TRPM6: variants seen among roughly 807,000 people sequenced by gnomAD.
TRPM6 encodes the protein transient receptor potential cation channel subfamily M member 6.
In TRPM6, 111 loss-of-function variants were observed where a neutral mutation model predicts 247.6. The observed-to-expected ratio is 0.45, with a 90% CI of 0.38 to 0.52. TRPM6 has a LOEUF of 0.52. Ranked by LOEUF, TRPM6 falls within the 20% of genes least tolerant of loss-of-function variation. The pLI is 0.00. For missense variants in TRPM6, 2,126 were observed against 2,421.5 expected, an observed-to-expected ratio of 0.88 and a Z score of 2.56; for synonymous variants, 892 against 853.8, an observed-to-expected ratio of 1.04 and a Z score of -0.78.
chr9:74,835,175 T>C (rs912686268), intron 5 of TRPM6, among the ~76,000 whole-genome samples: 10 of 152,218 alleles, frequency 6.6e-5, no homozygotes, highest in South Asian at 6.2e-4. Flanking sequence ...TGCATTTCTC[T>C]GATGGCCAGT....
chr9:74,803,458 A>G (rs1828416457), intron 15 of TRPM6, among the ~76,000 whole-genome samples: 2 of 152,350 alleles, frequency 1.3e-5, no homozygotes, highest in South Asian at 2.1e-4. Context: ...TTCACATCCA[A>G]CTGGCCTTAG....
chr9:74,785,851 A>G, intron 21 of TRPM6, 23 bp downstream of exon 21: 1 of 1,613,942 alleles, frequency 6.2e-7, no homozygotes, highest in Non-Finnish European at 8.5e-7. Context: ...GAATACCAGG[A>G]TATAAAACTA....
At chr9:74,749,120 T>G (rs1349562126) in intron 30 of TRPM6, among the ~76,000 whole-genome samples, 3 of 152,198 alleles carry the variant, frequency 2.0e-5, no homozygotes, top group East Asian at 3.9e-4. Flanking sequence ...ATAGCCTAGG[T>G]GTGTAGTAGG....
chr9:74,773,730 T>C (rs558939161), intron 24 of TRPM6, among the ~76,000 whole-genome samples: 66 of 152,362 alleles, frequency 4.3e-4, no homozygotes, highest in African/African-American at 1.5e-3. Context: ...TAAAATGCAA[T>C]TGTTACATTA....
intron 33 of TRPM6, among the ~76,000 whole-genome samples, chr9:74,740,852 T>C (rs1268252019): frequency 2.0e-5 from 3 of 152,174 alleles, no homozygotes; most frequent in Non-Finnish European, 4.4e-5. Flanking sequence ...GATCTGTGCT[T>C]TATATCATAA....
At chr9:74,803,035 T>C (rs1828399159) in intron 15 of TRPM6, among the ~76,000 whole-genome samples, 1 of 152,194 alleles carries the variant, frequency 6.6e-6, no homozygotes, top group Admixed American at 6.5e-5. Flanking sequence ...GATTCAATAA[T>C]TACTCCTTTT....
chr9:74,884,929 A>G (rs577943643), intron 1 of TRPM6, among the ~76,000 whole-genome samples: 8 of 152,322 alleles, frequency 5.3e-5, no homozygotes, highest in Admixed American at 1.3e-4. Context: ...TCAGTCCCCA[A>G]ATGATGGTGA....
chr9:74,873,284 T>A (rs1831086256), intron 1 of TRPM6, among the ~76,000 whole-genome samples: 1 of 152,210 alleles, frequency 6.6e-6, no homozygotes, highest in Non-Finnish European at 1.5e-5. Flanking sequence ...TCCTTCCCCA[T>A]GCTCTCTCAG....
intron 13 of TRPM6, among the ~76,000 whole-genome samples, chr9:74,809,382 A>G (rs1396523606): frequency 6.6e-6 from 1 of 152,248 alleles, no homozygotes; most frequent in African/African-American, 2.4e-5. Flanking sequence ...AGTGTTGAAC[A>G]AGGTCTCCGA....
chr9:74,865,041 C>A (rs952432023), intron 1 of TRPM6, among the ~76,000 whole-genome samples: 1 of 149,816 alleles, frequency 6.7e-6, no homozygotes, highest in African/African-American at 2.5e-5. Flanking sequence ...CCACTGCACT[C>A]CAGCCTGGGC....
chr9:74,755,220 A>T, intron 28 of TRPM6, 133 bp downstream of exon 28: 1 of 1,022,884 alleles, frequency 9.8e-7, no homozygotes, highest in Non-Finnish European at 1.5e-6. Context: ...TATTTTCCTT[A>T]CAGAGTGTAG....
intron 11 of TRPM6, 152 bp downstream of exon 11, chr9:74,816,517 A>T: frequency 5.0e-6 from 3 of 600,342 alleles, no homozygotes; most frequent in Non-Finnish European, 8.7e-6. Context: ...GGCAAAGTCG[A>T]TGGGAAAAGT....
chr9:74,737,252 C>A (rs957709579), intron 36 of TRPM6: 48 of 500,876 alleles, frequency 9.6e-5, no homozygotes, highest in South Asian at 4.2e-4. Context: ...GACAGAAGCA[C>A]CTATATGTCA....
chr9:74,743,553 A>G (rs564964313), intron 32 of TRPM6, among the ~76,000 whole-genome samples: 1 of 152,350 alleles, frequency 6.6e-6, no homozygotes, highest in East Asian at 1.9e-4. Flanking sequence ...AGGAAGGGCA[A>G]GTACAATTAT....
In TRPM6 at chr9:74,816,465, G is replaced by GA. The variant is rs34100441; in HGVS notation, c.1308+203dup. On this transcript the variant is annotated intron_variant, in intron 11 of 38. Coordinates refer to ENST00000360774, the MANE Select transcript of TRPM6 (RefSeq NM_017662.5). The stretch of plus-strand genomic sequence containing the variant: ...AGCTTCAGGTAGATTGCAGAGCCAG[G>GA]AAAAAAAAAAAAAAAAAAAAAAAAC... Among the ~76,000 whole-genome samples, 3,792 of 93,396 alleles carry GA rather than the reference G, an allele frequency of 0.041. 207 individuals are homozygous for GA. Among genetic ancestry groups the GA allele is most frequent in the African/African-American group, 0.12 (3,031 of 24,564 alleles). 61.3% of individuals were successfully genotyped at this position (93,396 alleles called of 152,430 possible).
intron 7 of TRPM6, among the ~76,000 whole-genome samples, chr9:74,822,280 C>T (rs1409024211): frequency 6.6e-6 from 1 of 152,204 alleles, no homozygotes; most frequent in Non-Finnish European, 1.5e-5. Context: ...GACAAGGTCT[C>T]ACTCTGTCAG....
chr9:74,775,231 C>T (rs1827178784), intron 24 of TRPM6, among the ~76,000 whole-genome samples: 1 of 152,190 alleles, frequency 6.6e-6, no homozygotes, highest in South Asian at 2.1e-4. Context: ...TTGCCCAGGC[C>T]GAAGTGGCTA....
intron 9 of TRPM6, 174 bp downstream of exon 9, chr9:74,820,130 T>G: frequency 1.5e-6 from 1 of 676,432 alleles, no homozygotes; most frequent in Non-Finnish European, 2.6e-6. Context: ...AAGATCTCCA[T>G]GCATTAGCTA....
rs145166191 is a variant in TRPM6, at chr9:74,846,569, G to GTC, written c.153-4228_153-4227dup. 8.5e-3 allele frequency among the ~76,000 whole-genome samples: 1,291 copies of GTC among 151,956 alleles called. 23 individuals are homozygous for GTC. The highest frequency in any genetic ancestry group is 0.03 in the African/African-American group (1,228 of 41,438). On this transcript the variant is annotated intron_variant, in intron 3 of 38. Coordinates refer to ENST00000360774, the MANE Select transcript of TRPM6 (RefSeq NM_017662.5). ...TTTTTTCTTTTTTTTGTGAAACAGA[G>GTC]TCTCTCTCTCTGTTGCCCAGGCTGG...
Sources: allele counts gnomAD v4.1 joint callset (sites outside exome capture counted in the v4.1 genomes callset), GRCh38; gene constraint gnomAD v4.1.1; transcripts MANE v1.5; gene names NCBI Gene and HGNC (gene_info 2026-07-23, HGNC 2026-07-21).